Variants in ASTN2 observed in about 807,000 individuals in gnomAD.
The protein encoded by ASTN2 is astrotactin 2, also known as astrotactin-2.
In ASTN2, 54 loss-of-function variants were observed where a neutral mutation model predicts 139.8. The observed-to-expected ratio is 0.39, with a 90% CI of 0.31 to 0.48. The LOEUF is 0.48. Among genes scored for constraint, ASTN2 ranks in the 20% least tolerant of loss-of-function variants. The probability of loss-of-function intolerance (pLI) is 0.95; values close to 1 mark genes in which losing one functional copy is unlikely to be tolerated. For missense variants in ASTN2, 1,565 were observed against 1,725.1 expected (o/e 0.91, Z 1.64); for synonymous variants, 756 against 719.5 (o/e 1.05, Z -0.81).
intron 7 of ASTN2, among the ~76,000 whole-genome samples, chr9:117,000,641 G>A (rs1837168441): frequency 6.6e-6 from 1 of 152,152 alleles, no homozygotes; most frequent in African/African-American, 2.4e-5. Flanking sequence ...TCCTCAGAGA[G>A]ATGAAGATAA....
intron 19 of ASTN2, among the ~76,000 whole-genome samples, chr9:116,587,899 T>G (rs1020781921): frequency 6.6e-6 from 1 of 152,222 alleles, no homozygotes; most frequent in African/African-American, 2.4e-5. Flanking sequence ...CAGTATCTCC[T>G]TATTATTCTT....
chr9:116,943,351 G>T (rs2132472977), intron 10 of ASTN2, among the ~76,000 whole-genome samples: 1 of 152,240 alleles, frequency 6.6e-6, no homozygotes, highest in Non-Finnish European at 1.5e-5. Context: ...CCTACTGCTA[G>T]CACCTTTCTT....
rs16934036 is a variant in ASTN2 at position 116,897,386 on chromosome 9, T to A, written c.1890-33653A>T. 6.4e-3 allele frequency among the ~76,000 whole-genome samples: 975 copies of A among 152,288 alleles called. 19 individuals carry two copies. The highest frequency in any genetic ancestry group is 0.04 in the Admixed American group (609 of 15,288). On this transcript the variant is annotated intron_variant, in intron 10 of 22. Transcript: ENST00000313400. ...GCCAGTAATTCTGAAAACCAGATGG[T>A]CAAACTCACAATCAAGGATTACAGG...
rs1055184514 is a variant in ASTN2 at position 116,701,054 on chromosome 9, A to C, written c.2806+24717T>G. The C allele has an allele frequency of 1.8e-4, 30 of 167,084 alleles. No individual in the cohort carries two copies. The highest frequency in any genetic ancestry group is 3.4e-4 in the Non-Finnish European group (23 of 68,126). 10.4% of individuals were successfully genotyped at this position (167,084 alleles called of 1,614,324 possible). On this transcript the variant is annotated intron_variant, in intron 16 of 22. Coordinates refer to ENST00000313400, the MANE Select transcript of ASTN2 (RefSeq NM_001365068.1). ...AAAAAGGAAGTTAGTCTTGTTTTTA[A>C]GATCAGAAGTGGGTGAGAGGACCTG...
At chr9:116,789,709 T>C (rs1003216544) in intron 13 of ASTN2, among the ~76,000 whole-genome samples, 1 of 152,206 alleles carries the variant, frequency 6.6e-6, no homozygotes, top group African/African-American at 2.4e-5. Flanking sequence ...GACCTTAGAA[T>C]AGACTTACTG....
chr9:117,285,095 A>T (rs1310063110), intron 2 of ASTN2, among the ~76,000 whole-genome samples: 1 of 152,208 alleles, frequency 6.6e-6, no homozygotes, highest in Non-Finnish European at 1.5e-5. Flanking sequence ...ATTTCTACTC[A>T]GTTACTGTTT....
intron 17 of ASTN2, among the ~76,000 whole-genome samples, chr9:116,642,784 AGAC>A: frequency 6.6e-6 from 1 of 152,182 alleles, no homozygotes; most frequent in Non-Finnish European, 1.5e-5. Flanking sequence ...TGCTACTCTA[AGAC>A]TCAAATCTAG....
intron 6 of ASTN2, among the ~76,000 whole-genome samples, chr9:117,012,951 A>G (rs1034897833): frequency 6.6e-6 from 1 of 152,180 alleles, no homozygotes; most frequent in Non-Finnish European, 1.5e-5. Context: ...GCCTACTGAG[A>G]ACTTATAGCC....
At chr9:117,336,861 T>C (rs772425176) in intron 1 of ASTN2, among the ~76,000 whole-genome samples, 3 of 152,164 alleles carry the variant, frequency 2.0e-5, no homozygotes, top group Admixed American at 1.3e-4. Context: ...CTCGAAGCTT[T>C]AGCCATTATG....
At position 116,988,798 on chromosome 9, in the gene ASTN2, G is replaced by A. The variant is rs7341747; in HGVS notation, c.1592-12013C>T. Among the ~76,000 whole-genome samples the A allele has an allele frequency of 5.8e-4, 89 of 152,240 alleles. 1 individual carries two copies. Among genetic ancestry groups the A allele is most frequent in the East Asian group, 5.6e-3 (29 of 5,162 alleles). ...TTCTATAGGAGCTTAAAGGAATGTA[G>A]ATGAGATCTTGCTATGTGGTTGTCC... On this transcript the variant is annotated intron_variant, in intron 7 of 22. Coordinates refer to ENST00000313400, the MANE Select transcript of ASTN2 (RefSeq NM_001365068.1).
chr9:117,300,642 C>A (rs2130798866), intron 1 of ASTN2, among the ~76,000 whole-genome samples: 1 of 152,254 alleles, frequency 6.6e-6, no homozygotes, highest in African/African-American at 2.4e-5. Flanking sequence ...CTGGACATTT[C>A]ATAATTCTAA....
chr9:116,768,312 TCTCC>T (rs1333206877), intron 13 of ASTN2, among the ~76,000 whole-genome samples: 5 of 133,502 alleles, frequency 3.7e-5, no homozygotes, highest in Non-Finnish European at 8.8e-5. Flanking sequence ...AAACTGCTGG[TCTCC>T]ATCTTTCTCT....
At chr9:116,779,300 T>C (rs1035940495) in intron 13 of ASTN2, among the ~76,000 whole-genome samples, 27 of 152,106 alleles carry the variant, frequency 1.8e-4, no homozygotes, top group African/African-American at 6.3e-4. Context: ...TGGTCCCTTT[T>C]TTCCCCTTCT....
intron 2 of ASTN2, among the ~76,000 whole-genome samples, chr9:117,236,108 C>G (rs1833037052): frequency 1.3e-5 from 2 of 152,150 alleles, no homozygotes; most frequent in South Asian, 4.1e-4. Context: ...ATTATACTCA[C>G]CAGAAAACTG....
intron 13 of ASTN2, among the ~76,000 whole-genome samples, chr9:116,755,587 T>C (rs1049577563): frequency 6.6e-6 from 1 of 152,204 alleles, no homozygotes; most frequent in African/African-American, 2.4e-5. Flanking sequence ...TCCAAAACTA[T>C]GAAAAATAAA....
chr9:116,774,918 TGCATG>T (rs1830041590), intron 13 of ASTN2, among the ~76,000 whole-genome samples: 1 of 152,144 alleles, frequency 6.6e-6, no homozygotes, highest in Non-Finnish European at 1.5e-5. Flanking sequence ...TCATGCATAA[TGCATG>T]GGACCACCAT....
chr9:117,103,480 A>C (rs998618714), intron 4 of ASTN2, among the ~76,000 whole-genome samples: 8 of 152,118 alleles, frequency 5.3e-5, no homozygotes, highest in Non-Finnish European at 1.2e-4. Flanking sequence ...ATGTTATGGA[A>C]AAGTATGGAG....
At chr9:116,654,822 G>T (rs1349992149) in intron 16 of ASTN2, among the ~76,000 whole-genome samples, 1 of 152,144 alleles carries the variant, frequency 6.6e-6, no homozygotes, top group Non-Finnish European at 1.5e-5. Flanking sequence ...AATATAACTT[G>T]GTGCTAAGAG....
At chr9:117,365,052 TGG>T (rs1829799644) in intron 1 of ASTN2, among the ~76,000 whole-genome samples, 1 of 150,462 alleles carries the variant, frequency 6.6e-6, no homozygotes, top group African/African-American at 2.5e-5. Flanking sequence ...CTCAGGAGGC[TGG>T]GAAAGGATTG....
Sources: allele counts gnomAD v4.1 joint callset (sites outside exome capture counted in the v4.1 genomes callset), GRCh38; gene constraint gnomAD v4.1.1; transcripts MANE v1.5; gene names NCBI Gene and HGNC (gene_info 2026-07-23, HGNC 2026-07-21).